GALNT13: variants seen among roughly 807,000 people sequenced by gnomAD.
GALNT13 encodes polypeptide N-acetylgalactosaminyltransferase 13.
Under a neutral mutation model 64.2 loss-of-function variants are expected in GALNT13, and 28 were observed. That is an observed-to-expected ratio of 0.44 (90% CI 0.32 to 0.60). The LOEUF is 0.60. GALNT13 is among the 20% of genes least tolerant of loss of function. The probability of loss-of-function intolerance (pLI) is 0.05; values close to 1 mark genes in which losing one functional copy is unlikely to be tolerated. For synonymous variants in GALNT13, 214 were observed against 224.6 expected, an observed-to-expected ratio of 0.95 and a Z score of 0.42; for missense variants, 577 against 669.8, an observed-to-expected ratio of 0.86 and a Z score of 1.53.
chr2:153,862,149 A>G, the GALNT13 span, among the ~76,000 whole-genome samples: 1 of 152,208 alleles, frequency 6.6e-6, no homozygotes, highest in East Asian at 1.9e-4. Context: ...ACTTAGAAAG[A>G]TAGCTCTGGG....
chr2:153,610,539 A>G, the GALNT13 span, among the ~76,000 whole-genome samples: 1 of 151,904 alleles, frequency 6.6e-6, no homozygotes, highest in Non-Finnish European at 1.5e-5. Flanking sequence ...GCCAGGCTTC[A>G]TGGCGGGCAC....
the GALNT13 span, among the ~76,000 whole-genome samples, chr2:153,192,722 A>G: frequency 6.6e-6 from 1 of 151,948 alleles, no homozygotes; most frequent in South Asian, 2.1e-4. Flanking sequence ...CTTTGGTTGA[A>G]TTGCTCCCTT....
At chr2:154,390,281 A>C (rs1283509007) in intron 9 of GALNT13, among the ~76,000 whole-genome samples, 1 of 152,196 alleles carries the variant, frequency 6.6e-6, no homozygotes, top group East Asian at 1.9e-4. Flanking sequence ...TTACATGAGT[A>C]AACTTGTGTC....
At chr2:153,493,364 A>G in the GALNT13 span, among the ~76,000 whole-genome samples, 1 of 152,114 alleles carries the variant, frequency 6.6e-6, no homozygotes, top group South Asian at 2.1e-4. Flanking sequence ...AATGGAAAAT[A>G]ATAGAATATT....
At chr2:154,156,567 T>C (rs1486265825) in intron 4 of GALNT13, among the ~76,000 whole-genome samples, 3 of 152,152 alleles carry the variant, frequency 2.0e-5, no homozygotes, top group Non-Finnish European at 2.9e-5. Context: ...GTGAAGTATA[T>C]CATATGCTTT....
the GALNT13 span, among the ~76,000 whole-genome samples, chr2:153,184,355 C>T: frequency 6.6e-6 from 1 of 152,168 alleles, no homozygotes; most frequent in African/African-American, 2.4e-5. Context: ...TGCTTATCAA[C>T]TTAAGAAGCT....
the GALNT13 span, among the ~76,000 whole-genome samples, chr2:153,323,886 CT>C: frequency 6.6e-6 from 1 of 152,294 alleles, no homozygotes; most frequent in Middle Eastern, 3.4e-3. Flanking sequence ...GTTTTGGTTA[CT>C]GTAACCTTGT....
intron 9 of GALNT13, among the ~76,000 whole-genome samples, chr2:154,340,388 C>A (rs1048883416): frequency 5.9e-5 from 9 of 152,070 alleles, no homozygotes; most frequent in Non-Finnish European, 1.3e-4. Context: ...CTGTGCCTGG[C>A]CCTCCTCATT....
the GALNT13 span, among the ~76,000 whole-genome samples, chr2:153,837,862 C>T: frequency 6.6e-6 from 1 of 151,970 alleles, no homozygotes; most frequent in Non-Finnish European, 1.5e-5. Flanking sequence ...TCCATAATGG[C>T]TATACCAATT....
At chr2:154,156,814 AT>A (rs1558993826) in intron 4 of GALNT13, among the ~76,000 whole-genome samples, 1 of 152,142 alleles carries the variant, frequency 6.6e-6, no homozygotes, top group Non-Finnish European at 1.5e-5. Flanking sequence ...ACTTATATAG[AT>A]ATAAGGGAGA....
At chr2:154,222,250 A>G (rs1416540055) in intron 4 of GALNT13, among the ~76,000 whole-genome samples, 3 of 152,112 alleles carry the variant, frequency 2.0e-5, no homozygotes, top group African/African-American at 7.2e-5. Context: ...TAAAATTTAA[A>G]TTCCTAAAAG....
the GALNT13 span, among the ~76,000 whole-genome samples, chr2:153,552,508 T>C: frequency 6.6e-6 from 1 of 150,712 alleles, no homozygotes; most frequent in Non-Finnish European, 1.5e-5. Flanking sequence ...TTTACAAACA[T>C]AGATGCAGGT....
chr2:153,078,049 G>A, the GALNT13 span, among the ~76,000 whole-genome samples: 179 of 152,118 alleles, frequency 1.2e-3, no homozygotes, highest in Non-Finnish European at 2.1e-3. Context: ...CTAAATGTAG[G>A]CCTTGGTCTG....
intron 3 of GALNT13, among the ~76,000 whole-genome samples, chr2:154,138,536 C>A (rs1683076812): frequency 6.8e-6 from 1 of 147,576 alleles, no homozygotes; most frequent in South Asian, 2.2e-4. Context: ...AAAAGTATCT[C>A]TTTTTTATGG....
chr2:154,057,850 A>G (rs1359631689), intron 3 of GALNT13, among the ~76,000 whole-genome samples: 4 of 152,214 alleles, frequency 2.6e-5, no homozygotes, highest in East Asian at 3.8e-4. Flanking sequence ...AATGTTTATT[A>G]GGGAAGGAAA....
the GALNT13 span, among the ~76,000 whole-genome samples, chr2:153,505,037 A>C: frequency 6.6e-6 from 1 of 151,998 alleles, no homozygotes; most frequent in Non-Finnish European, 1.5e-5. Context: ...GCAATTTTTT[A>C]GTTCCCATTT....
chr2:154,116,088 T>C (rs1681532266), intron 3 of GALNT13, among the ~76,000 whole-genome samples: 1 of 152,154 alleles, frequency 6.6e-6, no homozygotes, highest in Non-Finnish European at 1.5e-5. Context: ...GACTGTTGCC[T>C]CAGGCAGAAC....
the GALNT13 span, among the ~76,000 whole-genome samples, chr2:153,290,706 T>G: frequency 6.6e-6 from 1 of 152,214 alleles, no homozygotes; most frequent in Non-Finnish European, 1.5e-5. Flanking sequence ...AATTCCTACA[T>G]ATTATCCCCC....
intron 3 of GALNT13, among the ~76,000 whole-genome samples, chr2:154,024,650 A>G (rs1022571759): frequency 6.6e-6 from 1 of 151,994 alleles, no homozygotes; most frequent in Non-Finnish European, 1.5e-5. Flanking sequence ...TTCCTCCTGT[A>G]GCTCGGAGTA....
Sources: gnomAD v4.1 joint callset for allele counts (sites outside exome capture counted in the v4.1 genomes callset) on GRCh38, gnomAD v4.1.1 for gene constraint, MANE v1.5 for transcripts, NCBI Gene and HGNC (gene_info 2026-07-23, HGNC 2026-07-21) for gene names.